The following ATP11B variants were observed in gnomAD, a reference collection of about 807,000 sequenced individuals.
ATP11B encodes ATPase phospholipid transporting 11B (putative), also known as phospholipid-transporting ATPase IF.
In ATP11B, 81 loss-of-function variants were observed where a neutral mutation model predicts 157.8. The ratio of observed to expected loss-of-function variants is 0.51; its 90% confidence interval spans 0.43 to 0.62. ATP11B has a LOEUF of 0.62. ATP11B is among the 20% of genes least tolerant of loss of function. ATP11B has a pLI of 0.00. For missense variants in ATP11B, 1,165 were observed against 1,402.2 expected, an observed-to-expected ratio of 0.83 and a Z score of 2.70; for synonymous variants, 451 against 469.4, an observed-to-expected ratio of 0.96 and a Z score of 0.51.
chr3:182,889,496 T>G lies in ATP11B; in HGVS notation c.2930T>G (p.Phe977Cys). The change falls in exon 25 of 30, where the codon TTT becomes TGT. Residue 977 changes from phenylalanine to cysteine, a missense_variant. This residue lies in a region of ATP11B where 303 missense variants were observed against 296.3 expected (regional missense o/e 1.02). Transcript: ENST00000323116. ...TTCAGTCATGCCTTTATTTTCTTTT[T>G]TGGATCCTATTTACTAATAGGGAAA... Reference protein sequence around the residue: ...LGFSHAFIFFFGSYLLIGKDT... With the variant: ...LGFSHAFIFFCGSYLLIGKDT... 1 of 1,574,098 alleles carries G rather than the reference T, an allele frequency of 6.4e-7. No homozygotes were observed. The highest frequency in any genetic ancestry group is 8.6e-7 in the Non-Finnish European group (1 of 1,167,050).
At chr3:182,874,079 G>T in intron 19 of ATP11B, 64 bp downstream of exon 19, 3 of 1,433,936 alleles carry the variant, frequency 2.1e-6, no homozygotes, top group Non-Finnish European at 1.9e-6. Context: ...CCCTGGGCCC[G>T]ATGATATAGC....
intron 1 of ATP11B, among the ~76,000 whole-genome samples, chr3:182,797,231 T>G (rs991998506): frequency 6.6e-6 from 1 of 152,224 alleles, no homozygotes. Context: ...TTCTCTTAAC[T>G]TGTGAACATG....
At chr3:182,901,340 C>CAAAAAAAAA (rs1226647966) in intron 28 of ATP11B, among the ~76,000 whole-genome samples, 1 of 49,244 alleles carries the variant, frequency 2.0e-5, no homozygotes, top group Non-Finnish European at 4.5e-5. Context: ...CTCCGTCTCA[C>CAAAAAAAAA]AAAAAAAAAA....
intron 22 of ATP11B, 54 bp from the exon 23 acceptor site, chr3:182,885,897 T>C: frequency 2.4e-6 from 3 of 1,263,378 alleles, no homozygotes; most frequent in Middle Eastern, 2.5e-4. Context: ...ATTTTTTATT[T>C]TGTCTTTGAA....
chr3:182,813,178 T>C (rs1716771639), intron 1 of ATP11B, among the ~76,000 whole-genome samples: 1 of 152,202 alleles, frequency 6.6e-6, no homozygotes, highest in South Asian at 2.1e-4. Flanking sequence ...GCTTTGGACA[T>C]GGGTGTAGAA....
chr3:182,819,637 T>C (rs75430111), intron 1 of ATP11B, among the ~76,000 whole-genome samples: 1,626 of 152,324 alleles, frequency 0.011, 31 homozygotes, highest in African/African-American at 0.037. Flanking sequence ...ATTGATACTA[T>C]AATGGCTCAA....
chr3:182,858,056 A>G (rs1720552528), intron 11 of ATP11B, 28 bp downstream of exon 11: 3 of 1,585,590 alleles, frequency 1.9e-6, no homozygotes, highest in Non-Finnish European at 2.6e-6. Flanking sequence ...TGACTGTGTC[A>G]TAAAGGAAAC....
At chr3:182,904,201 TCACCTCTGGGCCTCCA>T (rs889193171) in intron 28 of ATP11B, among the ~76,000 whole-genome samples, 3 of 152,196 alleles carry the variant, frequency 2.0e-5, no homozygotes, top group Non-Finnish European at 2.9e-5. Flanking sequence ...CCAAGTCACT[TCACCTCTGGGCCTCCA>T]GGTTCTTCAC....
chr3:182,864,677 G>A (rs1435895095), intron 12 of ATP11B, among the ~76,000 whole-genome samples: 1 of 151,912 alleles, frequency 6.6e-6, no homozygotes. Flanking sequence ...CTTTATAAGG[G>A]ATGTTGATCT....
At chr3:182,857,657 A>G (rs1720512019) in intron 10 of ATP11B, among the ~76,000 whole-genome samples, 2 of 152,078 alleles carry the variant, frequency 1.3e-5, no homozygotes, top group South Asian at 4.1e-4. Flanking sequence ...ACATGGCTAT[A>G]TTAAATAGGC....
At chr3:182,802,302 C>A (rs1716064991) in intron 1 of ATP11B, among the ~76,000 whole-genome samples, 1 of 152,112 alleles carries the variant, frequency 6.6e-6, no homozygotes, top group Admixed American at 6.5e-5. Flanking sequence ...AGTCTGTTTT[C>A]AATATACCCA....
chr3:182,836,754 A>G (rs1718583582), intron 6 of ATP11B: 1 of 489,588 alleles, frequency 2.0e-6, no homozygotes, highest in Non-Finnish European at 3.6e-6. Flanking sequence ...GGACAAATTT[A>G]TATTTTCTCA....
chr3:182,846,172 C>A (rs1719505473), intron 9 of ATP11B, among the ~76,000 whole-genome samples: 1 of 152,136 alleles, frequency 6.6e-6, no homozygotes, highest in East Asian at 1.9e-4. Flanking sequence ...TATCTTGGCC[C>A]ACTGTGTTAC....
In ATP11B at chr3:182,820,354, A is replaced by G. The variant is rs1261112715; in HGVS notation, c.122A>G (p.Asp41Gly). ...NGLYTPQKFI[D>G]NRIISSKYTV... ...CTTTACACACCTCAGAAATTTATAG[A>G]TAACAGGATCATTTCATCTAAGGTA... The change falls in exon 2 of 30, where the codon GAT becomes GGT. Residue 41 changes from aspartate to glycine, a missense_variant. This residue lies in a region of ATP11B where 91 missense variants were observed against 95.8 expected (regional missense o/e 0.95). Coordinates refer to ENST00000323116, the MANE Select transcript of ATP11B (RefSeq NM_014616.3). The G allele has an allele frequency of 1.9e-6, 3 of 1,607,192 alleles. No individual in the cohort carries two copies. Among genetic ancestry groups the G allele is most frequent in the Non-Finnish European group, 2.6e-6 (3 of 1,173,654 alleles).
chr3:182,894,055 G>A (rs1723353504), intron 25 of ATP11B, among the ~76,000 whole-genome samples: 1 of 152,148 alleles, frequency 6.6e-6, no homozygotes, highest in African/African-American at 2.4e-5. Flanking sequence ...ATCCGTTTGA[G>A]TTGCTTGTAG....
At chr3:182,898,809 G>T in intron 28 of ATP11B, 37 bp downstream of exon 28, 4 of 1,336,702 alleles carry the variant, frequency 3.0e-6, no homozygotes, top group South Asian at 2.0e-5. Flanking sequence ...TATCTTTTTA[G>T]TTAGGGATCT....
chr3:182,814,937 G>A (rs1716885364), intron 1 of ATP11B, among the ~76,000 whole-genome samples: 2 of 152,122 alleles, frequency 1.3e-5, no homozygotes, highest in African/African-American at 4.8e-5. Flanking sequence ...GCCTTCCTTT[G>A]TCTCTGGGGA....
intron 1 of ATP11B, among the ~76,000 whole-genome samples, chr3:182,817,669 C>T (rs1324001030): frequency 6.6e-6 from 1 of 152,172 alleles, no homozygotes; most frequent in Non-Finnish European, 1.5e-5. Flanking sequence ...TTCTTATCAT[C>T]CAGTAGAGAT....
chr3:182,857,313 T>C (rs1218456954), intron 10 of ATP11B, among the ~76,000 whole-genome samples: 1 of 151,876 alleles, frequency 6.6e-6, no homozygotes, highest in East Asian at 1.9e-4. Context: ...GCCCAGCTAA[T>C]TTTTTTTGTA....
Sources: allele counts gnomAD v4.1 joint callset (sites outside exome capture counted in the v4.1 genomes callset), GRCh38; gene constraint gnomAD v4.1.1; regional missense constraint gnomAD v4.1.1; transcripts MANE v1.5; gene names NCBI Gene and HGNC (gene_info 2026-07-23, HGNC 2026-07-21).